The following SCAMP4 variants were observed in gnomAD, a reference collection of about 807,000 sequenced individuals.
SCAMP4 encodes secretory carrier-associated membrane protein 4.
A neutral mutation model predicts 32.1 loss-of-function variants in SCAMP4; 19 were observed. That is an observed-to-expected ratio of 0.59 (90% CI 0.41 to 0.87). The LOEUF (loss-of-function observed/expected upper bound fraction) is 0.87, where lower values mean the gene tolerates loss of function less well. SCAMP4 is among the 40% of genes least tolerant of loss of function. The pLI, the probability that SCAMP4 is intolerant of heterozygous loss-of-function variation, is 0.00. For synonymous variants in SCAMP4, 152 were observed against 132.7 expected, an observed-to-expected ratio of 1.15 and a Z score of -1.00; for missense variants, 302 against 309.0, an observed-to-expected ratio of 0.98 and a Z score of 0.17.
At chr19:1,915,703 T>C (rs1042953913) in intron 2 of SCAMP4, among the ~76,000 whole-genome samples, 5 of 152,044 alleles carry the variant, frequency 3.3e-5, no homozygotes, top group Non-Finnish European at 5.9e-5. Context: ...TCCCAGCACT[T>C]TGGGAGGCCG....
At chr19:1,905,601 T>G (rs2013062119) in intron 1 of SCAMP4, 162 bp downstream of exon 1, 1 of 165,218 alleles carries the variant, frequency 6.1e-6, no homozygotes, top group Admixed American at 6.6e-5. Flanking sequence ...GGCGGGCCGG[T>G]GGGCGACGCG....
intron 5 of SCAMP4, chr19:1,921,470 C>T (rs2013918122): frequency 1.0e-6 from 1 of 985,392 alleles, no homozygotes; most frequent in African/African-American, 1.7e-5. Flanking sequence ...GTGGGCCCCG[C>T]CAGGAATCGG....
chr19:1,922,020 T>C (rs1006565446), intron 5 of SCAMP4: 4 of 985,458 alleles, frequency 4.1e-6, no homozygotes, highest in Non-Finnish European at 4.8e-6. Context: ...GCGGGCTGCC[T>C]GTGCACCAGG....
chr19:1,912,667 G>A (rs2013533664), intron 1 of SCAMP4: 2 of 1,438,124 alleles, frequency 1.4e-6, no homozygotes, highest in African/African-American at 1.5e-5. Flanking sequence ...GCAGCGCGGG[G>A]CTTGCGGGCC....
intron 1 of SCAMP4, chr19:1,906,364 AAAAAG>A (rs2145418883): frequency 6.6e-6 from 1 of 152,258 alleles, no homozygotes; most frequent in East Asian, 1.9e-4. Context: ...ACTCTCCAAA[AAAAAG>A]AAAAAAAGAT....
intron 4 of SCAMP4, 51 bp from the exon 5 acceptor site, chr19:1,918,838 C>T: frequency 1.9e-6 from 3 of 1,564,780 alleles, no homozygotes; most frequent in Non-Finnish European, 2.6e-6. Flanking sequence ...CTAGGCGCGT[C>T]TGGGAGAAGC....
In SCAMP4 at chr19:1,921,761, G is replaced by A. The variant is rs1190099629; in HGVS notation, c.396-1309G>A. 6.1e-6 allele frequency: 6 copies of A among 984,394 alleles called. No individual in the cohort carries two copies. The East Asian group carries it at 4.5e-4, about 75-fold the overall frequency. The allele number at this position is 984,394 out of a possible 1,614,324, so 61.0% of individuals were successfully genotyped here. A position where few individuals can be genotyped will look rare whatever the true frequency, so the allele number is the denominator to read the frequency against. On this transcript the variant is annotated intron_variant, in intron 5 of 6. Transcript: ENST00000316097. ...GGGAGGCCAAAGCAGGAGAATCACT[G>A]CTTGAGGCCAGGAGTTCAGACTGGC...
Position 1,905,447 on chromosome 19 carries a change from C to G in SCAMP4, c.-42+8C>G, listed in dbSNP as rs965126061. The stretch of plus-strand genomic sequence containing the variant: ...CGCGCCCGGATCCCTCAGGTAAGCG[C>G]GCGGCCCCGAGGTCTCGGGTTCTCC... On this transcript the variant is annotated splice_region_variant and intron_variant, in intron 1 of 6. Coordinates refer to ENST00000316097, the MANE Select transcript of SCAMP4 (RefSeq NM_079834.4). The G allele has an allele frequency of 1.7e-5, 8 of 460,188 alleles. 1 individual carries two copies. Among genetic ancestry groups the G allele is most frequent in the South Asian group, 1.1e-4 (7 of 62,938 alleles). 28.5% of individuals were successfully genotyped at this position (460,188 alleles called of 1,614,324 possible). A position where few individuals can be genotyped will look rare whatever the true frequency, so the allele number is the denominator to read the frequency against.
intron 6 of SCAMP4, 122 bp downstream of exon 6, chr19:1,923,309 G>T (rs899613216): frequency 1.3e-6 from 1 of 792,090 alleles, no homozygotes; most frequent in Non-Finnish European, 1.9e-6. Flanking sequence ...CACGCAGGCC[G>T]CACTTCATCC....
chr19:1,922,172 A>G, intron 5 of SCAMP4: 1 of 985,470 alleles, frequency 1.0e-6, no homozygotes, highest in Non-Finnish European at 1.2e-6. Flanking sequence ...AGGCAGGTGC[A>G]ATGCCCAGAG....
In SCAMP4 at chr19:1,923,093, T is replaced by G; in HGVS notation, c.419T>G (p.Phe140Cys). ...GACGWLSAIG[F>C]FQYSPGAAVV... ...AGCGGCTGGCTGTCGGCAATTGGAT[T>G]CTTCCAGTACAGCCCGGGCGCTGCC... The change falls in exon 6 of 7, where the codon TTC becomes TGC. Residue 140 changes from phenylalanine to cysteine, a missense_variant. Physicochemically the swap from Phe to Cys is radical, Grantham distance 205. Coordinates refer to ENST00000316097, the MANE Select transcript of SCAMP4 (RefSeq NM_079834.4). The G allele has an allele frequency of 6.4e-7, 1 of 1,551,070 alleles. No homozygotes were observed. Among genetic ancestry groups the G allele is most frequent in the East Asian group, 2.4e-5 (1 of 40,972 alleles).
chr19:1,916,937 C>G (rs1194104872), intron 2 of SCAMP4, among the ~76,000 whole-genome samples: 1 of 152,236 alleles, frequency 6.6e-6, no homozygotes, highest in Non-Finnish European at 1.5e-5. Context: ...GCAGCCGCAC[C>G]CACACTAAAC....
intron 5 of SCAMP4, chr19:1,921,647 A>G: frequency 2.0e-6 from 2 of 985,350 alleles, no homozygotes; most frequent in South Asian, 9.4e-5. Flanking sequence ...CTTTTCATAA[A>G]TCTAAAATTA....
In SCAMP4 at chr19:1,912,987, C is replaced by T. The variant is rs76159002; in HGVS notation, c.-41-1992C>T. On this transcript the variant is annotated intron_variant, in intron 1 of 6. Coordinates refer to ENST00000316097, the MANE Select transcript of SCAMP4 (RefSeq NM_079834.4). The stretch of plus-strand genomic sequence containing the variant: ...GCCCTGCGCCATGTGCGCCATGGCC[C>T]TGGTGCACGCACGCATCCTGCGCGT... 0.14 allele frequency: 217,427 copies of T among 1,609,012 alleles called. 18,045 individuals carry two copies. Among genetic ancestry groups the T allele is most frequent in the African/African-American group, 0.31 (23,148 of 74,988 alleles).
Position 1,917,676 on chromosome 19 carries a change from G to A in SCAMP4, c.8-18G>A. ...GAGACAAAGTCTGGTTCTGTCCGTGGGTTCTCTGTCCCTACAGAAAAGGAG... is the reference window on the plus strand; with the variant it reads ...GAGACAAAGTCTGGTTCTGTCCGTGAGTTCTCTGTCCCTACAGAAAAGGAG... On this transcript the variant is annotated intron_variant, in intron 2 of 6. Transcript: ENST00000316097. 6.2e-7 allele frequency: 1 copy of A among 1,613,730 alleles called. No homozygotes were observed. Among genetic ancestry groups the A allele is most frequent in the Non-Finnish European group, 8.5e-7 (1 of 1,179,802 alleles).
chr19:1,911,651 C>T (rs751094908), intron 1 of SCAMP4, among the ~76,000 whole-genome samples: 16 of 152,108 alleles, frequency 1.1e-4, no homozygotes, highest in African/African-American at 3.1e-4. Flanking sequence ...GGCGTGGTGG[C>T]GCATGCCTGT....
intron 1 of SCAMP4, 180 bp downstream of exon 1, chr19:1,905,619 G>GGCGCGAATGCGCGTGC (rs2013064364): frequency 6.1e-6 from 1 of 163,578 alleles, no homozygotes; most frequent in African/African-American, 2.5e-5. Flanking sequence ...GCGGGGAGGC[G>GGCGCGAATGCGCGTGC]GCGCGAATGC....
chr19:1,912,752 C>A, intron 1 of SCAMP4: 11 of 1,550,440 alleles, frequency 7.1e-6, no homozygotes, highest in Non-Finnish European at 9.5e-6. Context: ...GCGCGGACAA[C>A]CCCCTCCTGC....
intron 1 of SCAMP4, chr19:1,912,346 C>A (rs759858594): frequency 1.8e-5 from 28 of 1,530,612 alleles, no homozygotes; most frequent in Non-Finnish European, 2.4e-5. Context: ...AGCCGCGATG[C>A]CGGCAGCCCC....
Sources: gnomAD v4.1 joint callset for allele counts (sites outside exome capture counted in the v4.1 genomes callset) on GRCh38, gnomAD v4.1.1 for gene constraint, MANE v1.5 for transcripts, NCBI Gene and HGNC (gene_info 2026-07-23, HGNC 2026-07-21) for gene names.